Variants in CADM2 observed in about 807,000 individuals in gnomAD.
CADM2 encodes immunoglobulin superfamily member 4D.
In CADM2, 12 loss-of-function variants were observed where a neutral mutation model predicts 49.8. The ratio of observed to expected loss-of-function variants is 0.24; its 90% CI spans 0.15 to 0.39. The LOEUF (loss-of-function observed/expected upper bound fraction) is 0.39, where lower values mean the gene tolerates loss of function less well. Among genes scored for constraint, CADM2 ranks in the 10% least tolerant of loss-of-function variants. CADM2 has a pLI of 1.00. For missense variants in CADM2, 378 were observed against 492.3 expected, an observed-to-expected ratio of 0.77 and a Z score of 2.20; for synonymous variants, 214 against 175.4, an observed-to-expected ratio of 1.22 and a Z score of -1.74.
In CADM2 at chr3:85,422,412, G is replaced by A. The variant is rs570284594; in HGVS notation, c.62-304110G>A. Among the ~76,000 whole-genome samples, 15 of 152,076 alleles carry A rather than the reference G, an allele frequency of 9.9e-5. No individual in the cohort carries two copies. The South Asian group carries it at 2.7e-3, about 27-fold the overall frequency. ...CCTGCCTCAGCTTCCCGAGTAGCTG[G>A]GACTGCAGGTGCCTGCCACCACGCC... On this transcript the variant is annotated intron_variant, in intron 1 of 9. Transcript: ENST00000383699.
intron 8 of CADM2, among the ~76,000 whole-genome samples, chr3:85,987,158 A>T (rs1380525947): frequency 6.6e-6 from 1 of 152,036 alleles, no homozygotes; most frequent in Non-Finnish European, 1.5e-5. Context: ...GCATTTGGAA[A>T]ATATCTGAGA....
chr3:85,511,229 G>T (rs1460620722), intron 1 of CADM2, among the ~76,000 whole-genome samples: 2 of 152,048 alleles, frequency 1.3e-5, no homozygotes, highest in Admixed American at 6.6e-5. Context: ...ATATCCACTT[G>T]TAAGGATCAT....
At chr3:85,544,760 T>A (rs1559900159) in intron 1 of CADM2, among the ~76,000 whole-genome samples, 1 of 151,956 alleles carries the variant, frequency 6.6e-6, no homozygotes, top group East Asian at 1.9e-4. Context: ...ATGGGCCACT[T>A]TTACAATTTT....
chr3:85,128,393 A>AT (rs925381826), intron 1 of CADM2, among the ~76,000 whole-genome samples: 1 of 152,172 alleles, frequency 6.6e-6, no homozygotes, highest in Non-Finnish European at 1.5e-5. Flanking sequence ...GTTGTATTTA[A>AT]TTTTTTGTTT....
At position 85,002,985 on chromosome 3, in the gene CADM2, G is replaced by A. The variant is rs1019391733; in HGVS notation, c.61+43317G>A. ...TTACTACTTTTTCATAATAGAGATG[G>A]GGGTCTCTGTTTCCTGCCCAGGCTT... On this transcript the variant is annotated intron_variant, in intron 1 of 9. Transcript: ENST00000383699. Among the ~76,000 whole-genome samples, 4 of 151,880 alleles carry A rather than the reference G, an allele frequency of 2.6e-5. No individual in the cohort carries two copies. In the East Asian group the frequency reaches 5.8e-4, roughly 22 times the overall value.
intron 1 of CADM2, among the ~76,000 whole-genome samples, chr3:85,542,231 A>C (rs1490404317): frequency 1.3e-5 from 2 of 152,146 alleles, no homozygotes. Flanking sequence ...TCGGTCCCTC[A>C]AAGAAGCACA....
At chr3:85,217,900 T>C (rs2041963488) in intron 1 of CADM2, among the ~76,000 whole-genome samples, 1 of 152,122 alleles carries the variant, frequency 6.6e-6, no homozygotes, top group Non-Finnish European at 1.5e-5. Flanking sequence ...TGCTTAGCCT[T>C]TTAAATAATT....
At position 85,658,617 on chromosome 3, in the gene CADM2, T is replaced by TATATATAC. The variant is rs1553656741; in HGVS notation, c.62-67904_62-67903insTATATACA. On this transcript the variant is annotated intron_variant, in intron 1 of 9. Transcript: ENST00000383699. ...ATATATATATATATATATATATATA[T>TATATATAC]ACATGTATGCATATGTTTGTTTATG... 6.8e-4 allele frequency among the ~76,000 whole-genome samples: 85 copies of TATATATAC among 125,086 alleles called. 1 individual carries two copies. Among genetic ancestry groups the TATATATAC allele is most frequent in the African/African-American group, 1.2e-3 (39 of 33,696 alleles). 82.1% of individuals were successfully genotyped at this position (125,086 alleles called of 152,430 possible).
At chr3:85,257,037 G>A (rs2042901939) in intron 1 of CADM2, among the ~76,000 whole-genome samples, 1 of 152,026 alleles carries the variant, frequency 6.6e-6, no homozygotes, top group East Asian at 1.9e-4. Flanking sequence ...ACATCTCTAG[G>A]TGACAGCTGT....
chr3:85,449,909 A>G (rs2037677365), intron 1 of CADM2, among the ~76,000 whole-genome samples: 1 of 152,140 alleles, frequency 6.6e-6, no homozygotes, highest in Non-Finnish European at 1.5e-5. Flanking sequence ...TTACTAGTAC[A>G]TCAGTCTGCC....
intron 2 of CADM2, among the ~76,000 whole-genome samples, chr3:85,784,529 TTTATCTATCTATCTATC>T (rs1208466807): frequency 7.3e-6 from 1 of 136,532 alleles, no homozygotes; most frequent in African/African-American, 2.8e-5. Context: ...TCTAAATATA[TTTATCTATCTATCTATC>T]TATCTATCTA....
chr3:85,714,929 C>A (rs976349774), intron 1 of CADM2, among the ~76,000 whole-genome samples: 1 of 152,004 alleles, frequency 6.6e-6, no homozygotes, highest in African/African-American at 2.4e-5. Flanking sequence ...TACTAGGTGA[C>A]ACTTTAGTTT....
At chr3:85,503,692 G>A (rs1307957975) in intron 1 of CADM2, among the ~76,000 whole-genome samples, 1 of 152,300 alleles carries the variant, frequency 6.6e-6, no homozygotes, top group Non-Finnish European at 1.5e-5. Flanking sequence ...CAAAACTAGT[G>A]TGATGTGTTC....
At chr3:85,794,057 A>G (rs1366765420) in intron 2 of CADM2, among the ~76,000 whole-genome samples, 1 of 152,146 alleles carries the variant, frequency 6.6e-6, no homozygotes, top group Non-Finnish European at 1.5e-5. Flanking sequence ...TTAGGGGTTT[A>G]ATAGTCAGAT....
chr3:85,880,421 G>A lies in CADM2; in HGVS notation c.239-2870G>A, dbSNP rs145157354. On this transcript the variant is annotated intron_variant, in intron 3 of 9. Coordinates refer to ENST00000383699, the MANE Select transcript of CADM2 (RefSeq NM_001167675.2). ...TTTTTTCATTCTTTCTTCTTGATGCGTCAAGATTTCCTCTTATTACTAATT... is the reference window on the plus strand; with the variant it reads ...TTTTTTCATTCTTTCTTCTTGATGCATCAAGATTTCCTCTTATTACTAATT... Among the ~76,000 whole-genome samples the A allele has an allele frequency of 5.7e-3, 868 of 151,940 alleles. 28 individuals are homozygous for A. Among genetic ancestry groups the A allele is most frequent in the Admixed American group, 0.049 (746 of 15,248 alleles).
intron 1 of CADM2, among the ~76,000 whole-genome samples, chr3:85,355,269 G>C (rs968149380): frequency 2.0e-5 from 3 of 152,004 alleles, no homozygotes; most frequent in African/African-American, 7.2e-5. Context: ...TCCGTCTCTT[G>C]TTTTCAGAGC....
intron 1 of CADM2, among the ~76,000 whole-genome samples, chr3:85,413,258 TAC>T (rs1489819583): frequency 6.6e-6 from 1 of 151,328 alleles, no homozygotes; most frequent in Admixed American, 6.6e-5. Context: ...CTTTTTTCAG[TAC>T]ACATATACAT....
intron 2 of CADM2, among the ~76,000 whole-genome samples, chr3:85,749,570 T>G (rs2068776668): frequency 6.6e-6 from 1 of 150,476 alleles, no homozygotes. Flanking sequence ...CTTGGAACAT[T>G]TTGTGGTATA....
At chr3:86,012,482 T>C in intron 8 of CADM2, 2 of 929,748 alleles carry the variant, frequency 2.2e-6, no homozygotes, top group South Asian at 2.1e-5. Flanking sequence ...CTGGCTCTCC[T>C]CCGTGACCCG....
Sources: gnomAD v4.1 joint callset for allele counts (sites outside exome capture counted in the v4.1 genomes callset) on GRCh38, gnomAD v4.1.1 for gene constraint, MANE v1.5 for transcripts, NCBI Gene and HGNC (gene_info 2026-07-23, HGNC 2026-07-21) for gene names.